Variants in DUSP8 observed in about 807,000 individuals in gnomAD.
DUSP8 encodes dual specificity phosphatase 8.
In DUSP8, 15 loss-of-function variants were observed where a neutral mutation model predicts 38.7. The ratio of observed to expected loss-of-function variants is 0.39; its 90% CI spans 0.26 to 0.60. The LOEUF (loss-of-function observed/expected upper bound fraction) is 0.60. DUSP8 is among the 20% of genes least tolerant of loss of function. The pLI, the probability that DUSP8 is intolerant of heterozygous loss-of-function variation, is 0.56. For missense variants in DUSP8, 768 were observed against 915.0 expected (o/e 0.84, Z 2.07); for synonymous variants, 458 against 433.9 (o/e 1.06, Z -0.69).
chr11:1,558,289 C>T lies in DUSP8; in HGVS notation c.538-18G>A, dbSNP rs755202183. Reference sequence around the variant, plus strand: ...ATCAGATCCTGGAGGGGCGGGAGGGCGGGTTGGAAAGGGGTGGGAGAAGCT... The same window carrying T: ...ATCAGATCCTGGAGGGGCGGGAGGGTGGGTTGGAAAGGGGTGGGAGAAGCT... On this transcript the variant is annotated intron_variant, in intron 4 of 6. Transcript: ENST00000397374. This position sits in a 1 kb window ranked among gnomAD's most constrained non-coding sequence, Gnocchi z 6.3. 5 of 168,934 alleles carry T rather than the reference C, an allele frequency of 3.0e-5. No homozygotes were observed. Among genetic ancestry groups the T allele is most frequent in the African/African-American group, 2.2e-4 (1 of 4,452 alleles). 10.5% of individuals were successfully genotyped at this position (168,934 alleles called of 1,614,324 possible). A position where few individuals can be genotyped will look rare whatever the true frequency, so the allele number is the denominator to read the frequency against.
rs1590798052 is a variant in DUSP8 at position 1,555,591 on chromosome 11, C to T, written c.*927G>A. 7.4e-6 allele frequency: 4 copies of T among 537,906 alleles called. No homozygotes were observed. The highest frequency in any genetic ancestry group is 9.5e-6 in the Non-Finnish European group (4 of 420,944). 33.3% of individuals were successfully genotyped at this position (537,906 alleles called of 1,614,324 possible). ...GTGGAGCCAGCACTGGCTAGCCAGGCGCCTCCTGCCTGACCCCCGGAGGCC... is the reference window on the plus strand; with the variant it reads ...GTGGAGCCAGCACTGGCTAGCCAGGTGCCTCCTGCCTGACCCCCGGAGGCC... On this transcript the variant is annotated 3_prime_UTR_variant, in exon 7 of 7. Coordinates refer to ENST00000397374, the MANE Select transcript of DUSP8 (RefSeq NM_004420.3).
chr11:1,560,222 T>C (rs576378405), intron 3 of DUSP8, among the ~76,000 whole-genome samples: 11 of 152,142 alleles, frequency 7.2e-5, no homozygotes, highest in Admixed American at 4.6e-4. Flanking sequence ...CCCTATCCCA[T>C]TGGACGGGGC....
In DUSP8 at chr11:1,556,692, G is replaced by A. The variant is rs1043491505; in HGVS notation, c.1704C>T (p.Asp568=). 1.1e-5 allele frequency: 14 copies of A among 1,289,094 alleles called. No individual in the cohort carries two copies. Among genetic ancestry groups the A allele is most frequent in the South Asian group, 2.5e-5 (1 of 39,770 alleles). The allele number at this position is 1,289,094 out of a possible 1,614,324, so 79.9% of individuals were successfully genotyped here. A position where few individuals can be genotyped will look rare whatever the true frequency, so the allele number is the denominator to read the frequency against. Residue 568 remains aspartate (D), a synonymous_variant, in exon 7 of 7, where the codon GAC becomes GAT. Coordinates refer to ENST00000397374, the MANE Select transcript of DUSP8 (RefSeq NM_004420.3). The surrounding 1 kb of genome is among the most constrained non-coding windows in gnomAD (Gnocchi z 5.2). ...RREAARAEPR[D]ARTGWPEEPA... ...GCTCCTCGGGCCAGCCGGTCCGCGC[G>A]TCCCGGGGCTCAGCCCTCGCTGCCT...
chr11:1,559,023 C>T lies in DUSP8; in HGVS notation c.403G>A (p.Gly135Ser), dbSNP rs199873164. The T allele has an allele frequency of 6.1e-5, 99 of 1,610,600 alleles. No homozygotes were observed. The Admixed American group carries it at 8.9e-4, about 14-fold the overall frequency. ...GFATFSSCFP[G>S]LCEGKPAALL... ...GCAGCAGGCTTGCCCTCGCAGAGGC[C>T]GGGGAAGCAGGAGGAGAAGGTGGCG... Residue 135 changes from glycine (G) to serine (S), a missense_variant, in exon 4 of 7, where the codon GGC becomes AGC. Gly to Ser is a moderately conservative substitution (Grantham distance 56). Transcript: ENST00000397374.
chr11:1,557,764 C>T lies in DUSP8; in HGVS notation c.821+30G>A, dbSNP rs775298923. The T allele has an allele frequency of 1.2e-6, 2 of 1,611,662 alleles. No individual in the cohort carries two copies. Among genetic ancestry groups the T allele is most frequent in the African/African-American group, 2.7e-5 (2 of 75,006 alleles). On this transcript the variant is annotated intron_variant, in intron 6 of 6. Transcript: ENST00000397374. This position sits in a 1 kb window ranked among gnomAD's most constrained non-coding sequence, Gnocchi z 9.9. ...GGGGGAAGGGAAGCGACGCTGTGAGCCACAAGTGCGCGACTGGGGAAGGTG... is the reference window on the plus strand; with the variant it reads ...GGGGGAAGGGAAGCGACGCTGTGAGTCACAAGTGCGCGACTGGGGAAGGTG...
At position 1,556,423 on chromosome 11, in the gene DUSP8, T is replaced by G; in HGVS notation, c.*95A>C. 4.9e-6 allele frequency: 6 copies of G among 1,224,632 alleles called. No individual in the cohort carries two copies. Among genetic ancestry groups the G allele is most frequent in the Non-Finnish European group, 6.1e-6 (6 of 982,012 alleles). 75.9% of individuals were successfully genotyped at this position (1,224,632 alleles called of 1,614,324 possible). A position where few individuals can be genotyped will look rare whatever the true frequency, so the allele number is the denominator to read the frequency against. On this transcript the variant is annotated 3_prime_UTR_variant, in exon 7 of 7. Transcript: ENST00000397374. This position sits in a 1 kb window ranked among gnomAD's most constrained non-coding sequence, Gnocchi z 5.2. Reference sequence around the variant, plus strand: ...CGAAATATTTACTTCTCGATAAAAATCCCAGTAAAACCATTTACCTTTCTT... The same window carrying G: ...CGAAATATTTACTTCTCGATAAAAAGCCCAGTAAAACCATTTACCTTTCTT...
In DUSP8 at chr11:1,557,309, TGGGGGGCGC is replaced by T. The variant is rs767534995; in HGVS notation, c.1078_1086del (p.Ala360_Pro362del). ...TGCAGTGCGCTGGTCGCCGGGGGCG[TGGGGGGCGC>T]GGGGGGCTCCCCGCCCGCGCTCAGG... On this transcript the variant is annotated inframe_deletion, in exon 7 of 7. Coordinates refer to ENST00000397374, the MANE Select transcript of DUSP8 (RefSeq NM_004420.3). The surrounding 1 kb of genome is among the most constrained non-coding windows in gnomAD (Gnocchi z 9.9). 2.7e-6 allele frequency: 4 copies of T among 1,473,164 alleles called. No individual in the cohort carries two copies. Among genetic ancestry groups the T allele is most frequent in the Non-Finnish European group, 3.6e-6 (4 of 1,122,708 alleles). The allele number at this position is 1,473,164 out of a possible 1,614,324, so 91.3% of individuals were successfully genotyped here.
chr11:1,564,803 G>A (rs879780310), intron 2 of DUSP8, among the ~76,000 whole-genome samples: 8 of 152,200 alleles, frequency 5.3e-5, no homozygotes, highest in Admixed American at 2.0e-4. Flanking sequence ...GCCTTGGGGT[G>A]GGCGGACTCC....
In DUSP8 at chr11:1,565,775, T is replaced by C. The variant is rs1004228800; in HGVS notation, c.52A>G (p.Ser18Gly). The C allele has an allele frequency of 2.2e-5, 36 of 1,610,858 alleles. No homozygotes were observed. The highest frequency in any genetic ancestry group is 3.0e-5 in the Non-Finnish European group (35 of 1,179,186). The stretch of plus-strand genomic sequence containing the variant: ...CCCCCAGGCCCGCCCCGCAGCAGGC[T>C]GGCCAGCTTCTTGGCATCCATCACC... Reference protein sequence around the residue: ...RKVMDAKKLASLLRGGPGGPL... With the variant: ...RKVMDAKKLAGLLRGGPGGPL... The change falls in exon 2 of 7, where the codon AGC becomes GGC. Residue 18 changes from serine (S) to glycine (G), a missense_variant. By Grantham distance (56) the Ser-to-Gly change is moderately conservative. Coordinates refer to ENST00000397374, the MANE Select transcript of DUSP8 (RefSeq NM_004420.3).
Position 1,555,808 on chromosome 11 carries a change from C to A in DUSP8, c.*710G>T. ...CTGGGCTGCACCTCATCTGACGTTC[C>A]AGAACCCCCTGCCCGAAGCCCCTAC... On this transcript the variant is annotated 3_prime_UTR_variant, in exon 7 of 7. Transcript: ENST00000397374. 6.6e-6 allele frequency: 1 copy of A among 152,528 alleles called. No homozygotes were observed. The allele number at this position is 152,528 out of a possible 1,614,324, so 9.4% of individuals were successfully genotyped here.
Position 1,556,282 on chromosome 11 carries a change from A to C in DUSP8, c.*236T>G. On this transcript the variant is annotated 3_prime_UTR_variant, in exon 7 of 7. Coordinates refer to ENST00000397374, the MANE Select transcript of DUSP8 (RefSeq NM_004420.3). This position sits in a 1 kb window ranked among gnomAD's most constrained non-coding sequence, Gnocchi z 5.2. ...AGCTTGCGACTGAAGGTGGCCTCGT[A>C]TTGCTTAGAAACGTATGTTTCAGTT... 1 of 502,456 alleles carries C rather than the reference A, an allele frequency of 2.0e-6. No homozygotes were observed. 31.1% of individuals were successfully genotyped at this position (502,456 alleles called of 1,614,324 possible). A position where few individuals can be genotyped will look rare whatever the true frequency, so the allele number is the denominator to read the frequency against.
chr11:1,554,706 G>T lies in DUSP8; in HGVS notation c.*1812C>A. 2 of 786,336 alleles carry T rather than the reference G, an allele frequency of 2.5e-6. No individual in the cohort carries two copies. The highest frequency in any genetic ancestry group is 3.1e-6 in the Non-Finnish European group (2 of 645,992). The allele number at this position is 786,336 out of a possible 1,614,324, so 48.7% of individuals were successfully genotyped here. On this transcript the variant is annotated 3_prime_UTR_variant, in exon 7 of 7. Coordinates refer to ENST00000397374, the MANE Select transcript of DUSP8 (RefSeq NM_004420.3). ...CTCCCGGACAGCACAGGGGTGGGGG[G>T]CGAGAAGCGGGAAGCCAGTGCATCC...
intron 1 of DUSP8, among the ~76,000 whole-genome samples, chr11:1,570,947 C>T (rs1848880605): frequency 6.6e-6 from 1 of 151,038 alleles, no homozygotes; most frequent in South Asian, 2.1e-4. Flanking sequence ...CCCACCCCCA[C>T]CCCAAGCTGC....
In DUSP8 at chr11:1,572,196, G is replaced by A. The variant is rs1848914795; in HGVS notation, c.-404C>T. Among the ~76,000 whole-genome samples, 1 of 145,852 alleles carries A rather than the reference G, an allele frequency of 6.9e-6. No individual in the cohort carries two copies. Among genetic ancestry groups the A allele is most frequent in the Non-Finnish European group, 1.5e-5 (1 of 65,638 alleles). ...CGGCGCGGCTCGGGCTCGGGCTCGG[G>A]CTCGGGCTCGGGCGTCCGGCGTCCG... On this transcript the variant is annotated 5_prime_UTR_variant, in exon 1 of 7. Transcript: ENST00000397374. The surrounding 1 kb of genome is among the most constrained non-coding windows in gnomAD (Gnocchi z 4.7).
chr11:1,565,708 C>G lies in DUSP8; in HGVS notation c.119G>C (p.Ser40Thr). The G allele has an allele frequency of 1.2e-6, 2 of 1,612,030 alleles. No homozygotes were observed. Among genetic ancestry groups the G allele is most frequent in the Non-Finnish European group, 1.7e-6 (2 of 1,179,728 alleles). ...GTTGACGGAGCTGAGCACATGCCAGCTGTTGTACTCCACGAAGGAGCGGCT... is the reference window on the plus strand; with the variant it reads ...GTTGACGGAGCTGAGCACATGCCAGGTGTTGTACTCCACGAAGGAGCGGCT... ...IDSRSFVEYN[S>T]WHVLSSVNIC... The change falls in exon 2 of 7, where the codon AGC becomes ACC. Residue 40 changes from serine to threonine, a missense_variant. Around this residue, in one of 3 missense-constraint regions of DUSP8, gnomAD observed 252 missense variants for 410.4 expected, o/e 0.61. Transcript: ENST00000397374.
At chr11:1,564,514 C>T (rs1196472872) in intron 2 of DUSP8, among the ~76,000 whole-genome samples, 3 of 152,190 alleles carry the variant, frequency 2.0e-5, no homozygotes, top group Admixed American at 6.5e-5. Flanking sequence ...GGACCCCAGG[C>T]CCCTGCACCA....
chr11:1,567,207 T>C (rs890433996), intron 1 of DUSP8, among the ~76,000 whole-genome samples: 3 of 152,110 alleles, frequency 2.0e-5, no homozygotes, highest in Admixed American at 2.0e-4. Context: ...GGCTGGGAGA[T>C]AGATGTACCC....
Position 1,558,769 on chromosome 11 carries a change from C to T in DUSP8, c.537+120G>A. 8.0e-7 allele frequency: 1 copy of T among 1,250,724 alleles called. No individual in the cohort carries two copies. Among genetic ancestry groups the T allele is most frequent in the Non-Finnish European group, 1.1e-6 (1 of 903,652 alleles). 77.5% of individuals were successfully genotyped at this position (1,250,724 alleles called of 1,614,324 possible). On this transcript the variant is annotated intron_variant, in intron 4 of 6. Transcript: ENST00000397374. This position sits in a 1 kb window ranked among gnomAD's most constrained non-coding sequence, Gnocchi z 6.3. ...GCCCCCACCCATGCTTCTCCCACACCCAGCTCATCCACTGCCTTCAGCTCC... is the reference window on the plus strand; with the variant it reads ...GCCCCCACCCATGCTTCTCCCACACTCAGCTCATCCACTGCCTTCAGCTCC...
At chr11:1,567,013 G>T (rs1238016699) in intron 1 of DUSP8, among the ~76,000 whole-genome samples, 1 of 152,196 alleles carries the variant, frequency 6.6e-6, no homozygotes, top group Non-Finnish European at 1.5e-5. Flanking sequence ...GGCGCATAGT[G>T]TTAAGGATGA....
Sources: allele counts gnomAD v4.1 joint callset (sites outside exome capture counted in the v4.1 genomes callset), GRCh38; gene constraint gnomAD v4.1.1; regional missense constraint gnomAD v4.1.1; non-coding constraint Gnocchi (gnomAD v3.1); transcripts MANE v1.5; gene names NCBI Gene and HGNC (gene_info 2026-07-23, HGNC 2026-07-21).